Variants in ZSCAN25 observed in about 807,000 individuals in gnomAD.
The protein encoded by ZSCAN25 is zinc finger and SCAN domain-containing protein 25.
Under a neutral mutation model 38.7 loss-of-function variants are expected in ZSCAN25, and 27 were observed. The observed-to-expected ratio is 0.70, with a 90% CI of 0.51 to 0.96. The LOEUF is 0.96. Among genes scored for constraint, ZSCAN25 ranks in the 40% least tolerant of loss-of-function variants. ZSCAN25 has a pLI of 0.00. For synonymous variants in ZSCAN25, 273 were observed against 277.7 expected, an observed-to-expected ratio of 0.98 and a Z score of 0.17; for missense variants, 637 against 705.9, an observed-to-expected ratio of 0.90 and a Z score of 1.11.
At chr7:99,692,548 T>A in the ZSCAN25 span, among the ~76,000 whole-genome samples, 1 of 152,246 alleles carries the variant, frequency 6.6e-6, no homozygotes, top group African/African-American at 2.4e-5. Context: ...AATGTAGATT[T>A]GGTCTTTTCA....
chr7:99,655,200 TTA>T, the ZSCAN25 span, among the ~76,000 whole-genome samples: 12 of 152,266 alleles, frequency 7.9e-5, no homozygotes, highest in African/African-American at 2.9e-4. Flanking sequence ...TCTAGGGTTT[TTA>T]TGGTTTTAGG....
chr7:99,650,002 A>G, the ZSCAN25 span: 9 of 1,540,080 alleles, frequency 5.8e-6, no homozygotes, highest in African/African-American at 1.4e-5. Flanking sequence ...ATAAACATGC[A>G]TATTCTTTTA....
chr7:99,632,204 T>C lies in ZSCAN25; in HGVS notation c.*2184T>C, dbSNP rs1003808015. 1.0e-6 allele frequency: 1 copy of C among 985,296 alleles called. No individual in the cohort carries two copies. The highest frequency in any genetic ancestry group is 1.7e-5 in the African/African-American group (1 of 57,236). 61.0% of individuals were successfully genotyped at this position (985,296 alleles called of 1,614,324 possible). On this transcript the variant is annotated 3_prime_UTR_variant, in exon 8 of 8. Coordinates refer to ENST00000394152, the MANE Select transcript of ZSCAN25 (RefSeq NM_145115.3). Reference sequence around the variant, plus strand: ...GGGGCCAAGAGCTTAGGACAGTGTCTCAGAAAAGCCTCTAAGTAGGGGGTT... The same window carrying C: ...GGGGCCAAGAGCTTAGGACAGTGTCCCAGAAAAGCCTCTAAGTAGGGGGTT...
chr7:99,626,768 A>C (rs569757607), intron 7 of ZSCAN25, among the ~76,000 whole-genome samples: 1 of 152,220 alleles, frequency 6.6e-6, no homozygotes, highest in South Asian at 2.1e-4. Flanking sequence ...GAACCATTGC[A>C]TTCCTGCTCC....
intron 7 of ZSCAN25, among the ~76,000 whole-genome samples, chr7:99,628,164 G>A (rs954712735): frequency 1.3e-5 from 2 of 152,070 alleles, no homozygotes; most frequent in Admixed American, 6.5e-5. Flanking sequence ...AAATCTTTGC[G>A]TGTACAAAAC....
At chr7:99,695,808 T>G in the ZSCAN25 span, 1 of 1,613,726 alleles carries the variant, frequency 6.2e-7, no homozygotes, top group Non-Finnish European at 8.5e-7. Flanking sequence ...ATGCCAAGCT[T>G]CTTAAAAAGT....
chr7:99,705,215 A>G, the ZSCAN25 span: 1 of 349,098 alleles, frequency 2.9e-6, no homozygotes, highest in Non-Finnish European at 5.4e-6. Flanking sequence ...GCTCAGGAGG[A>G]GTTAATGGTG....
the ZSCAN25 span, among the ~76,000 whole-genome samples, chr7:99,712,143 T>A: frequency 1.4e-4 from 22 of 152,278 alleles, no homozygotes; most frequent in African/African-American, 5.3e-4. Flanking sequence ...TGATCAGGAC[T>A]GGATTAGGAC....
chr7:99,652,388 C>T, the ZSCAN25 span: 1 of 477,514 alleles, frequency 2.1e-6, no homozygotes, highest in Non-Finnish European at 3.6e-6. Flanking sequence ...TTCGTTTTTT[C>T]TAGTCTGTGG....
chr7:99,666,638 G>A, the ZSCAN25 span: 27 of 1,613,870 alleles, frequency 1.7e-5, no homozygotes, highest in Non-Finnish European at 2.1e-5. Context: ...TCTGCTTCCC[G>A]CCTCAAGTTT....
the ZSCAN25 span, among the ~76,000 whole-genome samples, chr7:99,712,468 AT>A: frequency 6.6e-6 from 1 of 152,184 alleles, no homozygotes; most frequent in Non-Finnish European, 1.5e-5. Context: ...ACAACTTAAA[AT>A]TTTTCATCAG....
the ZSCAN25 span, among the ~76,000 whole-genome samples, chr7:99,650,600 T>G: frequency 6.6e-6 from 1 of 152,246 alleles, no homozygotes; most frequent in Non-Finnish European, 1.5e-5. Flanking sequence ...CTCACACTTG[T>G]GTTGGTCACA....
chr7:99,623,357 A>T (rs1330901408), intron 6 of ZSCAN25, among the ~76,000 whole-genome samples: 2 of 152,194 alleles, frequency 1.3e-5, no homozygotes, highest in African/African-American at 2.4e-5. Flanking sequence ...GACCTCGTTA[A>T]CATTACTCAT....
At chr7:99,726,400 C>T in the ZSCAN25 span, among the ~76,000 whole-genome samples, 1 of 152,224 alleles carries the variant, frequency 6.6e-6, no homozygotes, top group Non-Finnish European at 1.5e-5. Context: ...CAGGTTTGTT[C>T]AGGATCTGCG....
At chr7:99,700,347 C>T in the ZSCAN25 span, among the ~76,000 whole-genome samples, 1 of 152,130 alleles carries the variant, frequency 6.6e-6, no homozygotes, top group African/African-American at 2.4e-5. Context: ...TGGCATGAAG[C>T]CTCTTAAATA....
the ZSCAN25 span, chr7:99,709,029 T>G: frequency 1.2e-6 from 2 of 1,613,936 alleles, no homozygotes; most frequent in Non-Finnish European, 8.5e-7. Context: ...CCCAGGGGCC[T>G]CCTACCTTTC....
the ZSCAN25 span, among the ~76,000 whole-genome samples, chr7:99,650,713 C>T: frequency 6.6e-6 from 1 of 152,064 alleles, no homozygotes; most frequent in African/African-American, 2.4e-5. Context: ...TTCCCCTCCT[C>T]CTCCTCTCTA....
At chr7:99,655,723 G>C in the ZSCAN25 span, among the ~76,000 whole-genome samples, 6 of 152,072 alleles carry the variant, frequency 3.9e-5, no homozygotes, top group Non-Finnish European at 8.8e-5. Flanking sequence ...ATGGAATGTT[G>C]TTCCATTTGT....
At chr7:99,715,848 C>A in the ZSCAN25 span, 5 of 1,613,838 alleles carry the variant, frequency 3.1e-6, no homozygotes, top group Non-Finnish European at 4.2e-6. Flanking sequence ...TTGAGAGAGT[C>A]GATGCTCACT....
Sources: allele counts gnomAD v4.1 joint callset (sites outside exome capture counted in the v4.1 genomes callset), GRCh38; gene constraint gnomAD v4.1.1; transcripts MANE v1.5; gene names NCBI Gene and HGNC (gene_info 2026-07-23, HGNC 2026-07-21).